The following CPAMD8 variants were observed in gnomAD, a reference collection of about 807,000 sequenced individuals.
CPAMD8 encodes the protein C3 and PZP like alpha-2-macroglobulin domain containing 8, also known as C3 and PZP-like alpha-2-macroglobulin domain-containing protein 8.
In CPAMD8, 146 loss-of-function variants were observed where a neutral mutation model predicts 224.7. That is an observed-to-expected ratio of 0.65 (90% CI 0.57 to 0.75). The LOEUF (loss-of-function observed/expected upper bound fraction) is 0.75. Among genes scored for constraint, CPAMD8 ranks in the 30% least tolerant of loss-of-function variants. The probability of loss-of-function intolerance (pLI) is 0.00; values close to 1 mark genes in which losing one functional copy is unlikely to be tolerated. For synonymous variants in CPAMD8, 966 were observed against 1,044.6 expected (o/e 0.92, Z 1.45); for missense variants, 2,301 against 2,537.5 (o/e 0.91, Z 2.00).
intron 25 of CPAMD8, among the ~76,000 whole-genome samples, chr19:16,927,052 C>T (rs1272606506): frequency 6.6e-6 from 1 of 152,112 alleles, no homozygotes; most frequent in East Asian, 1.9e-4. Flanking sequence ...CCCAAACTCT[C>T]ACCACCCTTC....
At chr19:16,954,751 G>C (rs868832772) in intron 19 of CPAMD8, among the ~76,000 whole-genome samples, 2 of 152,192 alleles carry the variant, frequency 1.3e-5, no homozygotes, top group Non-Finnish European at 2.9e-5. Flanking sequence ...TTGGGAGGCC[G>C]AGGGGGGTGG....
At chr19:16,975,853 AG>A in intron 16 of CPAMD8, 148 bp downstream of exon 16, 2 of 735,930 alleles carry the variant, frequency 2.7e-6, no homozygotes, top group Non-Finnish European at 4.1e-6. Flanking sequence ...GACACCCATT[AG>A]GTTCCCTGAA....
At position 17,004,310 on chromosome 19, in the gene CPAMD8, G is replaced by A. The variant is rs1189393714; in HGVS notation, c.636C>T (p.Gly212=). ...CTTCAAAAGACTTGTTGTACGCGTG[G>A]CCTTGCATTTCAACAAAAATGAACC... ...GEWFIFVEMQ[G]HAYNKSFEVQ... is the part of the protein sequence containing the mutation. The change falls in exon 8 of 42, where the codon GGC becomes GGT. Residue 212 remains glycine, a synonymous_variant. Coordinates refer to ENST00000443236, the MANE Select transcript of CPAMD8 (RefSeq NM_015692.5). 1 of 1,612,668 alleles carries A rather than the reference G, an allele frequency of 6.2e-7. No homozygotes were observed. Among genetic ancestry groups the A allele is most frequent in the East Asian group, 2.2e-5 (1 of 44,880 alleles).
In CPAMD8 at chr19:16,901,198, G is replaced by C. The variant is rs1422043446; in HGVS notation, c.4773+12C>G. On this transcript the variant is annotated intron_variant, in intron 36 of 41. Coordinates refer to ENST00000443236, the MANE Select transcript of CPAMD8 (RefSeq NM_015692.5). ...GATCCCTGCCCACCGCTGCTCACCG[G>C]CGCTGCCTCACCTGCTCCAGGCTCT... 3.8e-6 allele frequency: 6 copies of C among 1,593,194 alleles called. No individual in the cohort carries two copies. Among genetic ancestry groups the C allele is most frequent in the Non-Finnish European group, 4.3e-6 (5 of 1,169,496 alleles).
chr19:16,942,981 T>C (rs1415130121), intron 22 of CPAMD8, among the ~76,000 whole-genome samples: 1 of 151,854 alleles, frequency 6.6e-6, no homozygotes, highest in Non-Finnish European at 1.5e-5. Context: ...TGTGGCCTTT[T>C]GTGTTTGACT....
chr19:16,928,833 T>C (rs1181684332), intron 24 of CPAMD8, 109 bp downstream of exon 24: 3 of 837,772 alleles, frequency 3.6e-6, no homozygotes, highest in Non-Finnish European at 5.4e-6. Flanking sequence ...GCTCCATGTT[T>C]CCCTTGCTCC....
intron 11 of CPAMD8, among the ~76,000 whole-genome samples, chr19:16,994,495 T>A (rs989779112): frequency 6.0e-5 from 9 of 150,364 alleles, no homozygotes; most frequent in Non-Finnish European, 1.3e-4. Flanking sequence ...TCAGCCCACA[T>A]GATCTTCATT....
chr19:16,986,018 G>T (rs2055707102), intron 13 of CPAMD8, among the ~76,000 whole-genome samples: 1 of 151,822 alleles, frequency 6.6e-6, no homozygotes, highest in Non-Finnish European at 1.5e-5. Context: ...TGAGATCTTG[G>T]GGGGAAAAGG....
At chr19:16,936,006 C>T (rs2053672641) in intron 23 of CPAMD8, among the ~76,000 whole-genome samples, 1 of 151,814 alleles carries the variant, frequency 6.6e-6, no homozygotes, top group African/African-American at 2.4e-5. Flanking sequence ...CAGTTCACTG[C>T]CACCTCAGCC....
chr19:17,011,539 G>A (rs573802152), intron 4 of CPAMD8, 23 bp from the exon 5 acceptor site: 18 of 1,614,060 alleles, frequency 1.1e-5, no homozygotes, highest in African/African-American at 2.7e-5. Flanking sequence ...AGAGAGGCGT[G>A]TGACACCTCC....
intron 29 of CPAMD8, among the ~76,000 whole-genome samples, chr19:16,909,019 G>C (rs959393046): frequency 6.6e-6 from 1 of 152,160 alleles, no homozygotes; most frequent in Non-Finnish European, 1.5e-5. Flanking sequence ...ACAGACAAGC[G>C]GATGCAACGG....
intron 22 of CPAMD8, among the ~76,000 whole-genome samples, chr19:16,939,244 C>A (rs2053804682): frequency 6.6e-6 from 1 of 151,720 alleles, no homozygotes; most frequent in Non-Finnish European, 1.5e-5. Context: ...CACTCTGTCG[C>A]CCAGGCTGGA....
At chr19:16,974,531 C>T (rs11880324) in intron 17 of CPAMD8, among the ~76,000 whole-genome samples, 30,844 of 151,704 alleles carry the variant, frequency 0.2, 4,449 homozygotes, top group African/African-American at 0.41. Flanking sequence ...CAGCAAAGCA[C>T]GTCAATGTCA....
chr19:16,993,506 G>A lies in CPAMD8; in HGVS notation c.1176C>T (p.Asn392=), dbSNP rs762590483. Residue 392 remains asparagine, a synonymous_variant, in exon 12 of 42, where the codon AAC becomes AAT. Coordinates refer to ENST00000443236, the MANE Select transcript of CPAMD8 (RefSeq NM_015692.5). ...GGGACACAACTTCACTGGTGTAGAT[G>A]TTATCCTTTGGTGTCAGCTCTGCCT... is the stretch of plus-strand genomic sequence containing the variant. ...QIKAELTPKD[N]IYTSEVVSQR... is the part of the protein sequence containing the mutation. 9 of 1,613,320 alleles carry A rather than the reference G, an allele frequency of 5.6e-6. No homozygotes were observed. The highest frequency in any genetic ancestry group is 7.6e-6 in the Non-Finnish European group (9 of 1,179,744).
chr19:16,993,626 C>G, intron 11 of CPAMD8, 40 bp from the exon 12 acceptor site: 1 of 1,585,560 alleles, frequency 6.3e-7, no homozygotes. Context: ...GTTAAGACGG[C>G]CATGCTCCCC....
At chr19:16,954,435 C>T (rs1329544138) in intron 19 of CPAMD8, among the ~76,000 whole-genome samples, 2 of 151,980 alleles carry the variant, frequency 1.3e-5, no homozygotes, top group South Asian at 2.1e-4. Flanking sequence ...ATGTAAAACG[C>T]TGCAGCTGCT....
rs746361535 is a variant in CPAMD8, at chr19:16,896,674, C to T, written c.5066-9G>A. On this transcript the variant is annotated splice_polypyrimidine_tract_variant and intron_variant, in intron 39 of 41. Coordinates refer to ENST00000443236, the MANE Select transcript of CPAMD8 (RefSeq NM_015692.5). ...CTCGCCGGGGAACCAGCCTGGGGGA[C>T]GAGGCAGGCTCGACAGACCCCCCAC... 3.3e-5 allele frequency: 47 copies of T among 1,444,382 alleles called. No individual in the cohort carries two copies. In the South Asian group the frequency reaches 6.4e-4, roughly 20 times the overall value. The allele number at this position is 1,444,382 out of a possible 1,614,324, so 89.5% of individuals were successfully genotyped here. A position where few individuals can be genotyped will look rare whatever the true frequency, so the allele number is the denominator to read the frequency against.
intron 6 of CPAMD8, chr19:17,008,791 C>A (rs114568081): frequency 0.01 from 6,026 of 583,536 alleles, 280 homozygotes; most frequent in African/African-American, 0.1. Context: ...CGTGTACAAA[C>A]CTAGAAATGG....
At chr19:16,996,929 C>T (rs2056144860) in intron 11 of CPAMD8, among the ~76,000 whole-genome samples, 182 bp downstream of exon 11, 1 of 152,080 alleles carries the variant, frequency 6.6e-6, no homozygotes. Flanking sequence ...AGTAGATTGT[C>T]CTTTCCCGTG....
Sources: gnomAD v4.1 joint callset for allele counts (sites outside exome capture counted in the v4.1 genomes callset) on GRCh38, gnomAD v4.1.1 for gene constraint, MANE v1.5 for transcripts, NCBI Gene and HGNC (gene_info 2026-07-23, HGNC 2026-07-21) for gene names.